FHIP1A: variants seen among roughly 807,000 people sequenced by gnomAD.
FHIP1A encodes FHF complex subunit HOOK-interacting protein 1A.
In FHIP1A, 61 loss-of-function variants were observed where a neutral mutation model predicts 88.6. That is an observed-to-expected ratio of 0.69 (90% CI 0.56 to 0.85). FHIP1A has a LOEUF of 0.85. FHIP1A is among the 40% of genes least tolerant of loss of function. The pLI is 0.00. For missense variants in FHIP1A, 1,154 were observed against 1,273.5 expected, an observed-to-expected ratio of 0.91 and a Z score of 1.43; for synonymous variants, 478 against 496.0, an observed-to-expected ratio of 0.96 and a Z score of 0.48.
At chr4:151,528,028 T>C (rs1385592588) in intron 3 of FHIP1A, among the ~76,000 whole-genome samples, 7 of 152,208 alleles carry the variant, frequency 4.6e-5, no homozygotes, top group Non-Finnish European at 1.0e-4. Context: ...GTATTTCTCA[T>C]AGCTTATTGA....
At chr4:151,498,237 C>T (rs1730530280) in intron 3 of FHIP1A, among the ~76,000 whole-genome samples, 1 of 152,120 alleles carries the variant, frequency 6.6e-6, no homozygotes, top group Non-Finnish European at 1.5e-5. Context: ...GTCATTAGTG[C>T]AGAGATTGAG....
intron 7 of FHIP1A, among the ~76,000 whole-genome samples, chr4:151,620,174 T>C (rs1735684485): frequency 6.6e-6 from 1 of 152,208 alleles, no homozygotes; most frequent in Admixed American, 6.5e-5. Context: ...TGCATAGAGT[T>C]GGGCAGGTTG....
chr4:151,544,910 C>A (rs1560759468), intron 3 of FHIP1A, among the ~76,000 whole-genome samples: 1 of 152,080 alleles, frequency 6.6e-6, no homozygotes. Flanking sequence ...GACCCCCTAT[C>A]TACAAAAAAA....
At chr4:151,467,568 C>G (rs1729364972) in intron 2 of FHIP1A, among the ~76,000 whole-genome samples, 1 of 152,150 alleles carries the variant, frequency 6.6e-6, no homozygotes, top group Non-Finnish European at 1.5e-5. Flanking sequence ...AGACATGGAA[C>G]TAACCCAAAC....
At chr4:151,564,056 T>A (rs888414111) in intron 3 of FHIP1A, among the ~76,000 whole-genome samples, 1 of 152,206 alleles carries the variant, frequency 6.6e-6, no homozygotes, top group Admixed American at 6.5e-5. Flanking sequence ...TGACATTGGC[T>A]ATTTATCCTG....
intron 3 of FHIP1A, among the ~76,000 whole-genome samples, chr4:151,553,180 T>C (rs1732812456): frequency 6.6e-6 from 1 of 152,166 alleles, no homozygotes; most frequent in African/African-American, 2.4e-5. Context: ...TGATCCACAG[T>C]GGGAGATTTA....
At chr4:151,613,667 G>T (rs1311371615) in intron 7 of FHIP1A, among the ~76,000 whole-genome samples, 1 of 152,198 alleles carries the variant, frequency 6.6e-6, no homozygotes, top group South Asian at 2.1e-4. Context: ...GTACTTGATG[G>T]TCATAATGAC....
rs183653282 is a variant in FHIP1A at position 151,637,718 on chromosome 4, A to T, written c.1147-959A>T. ...GCCCATGGGGGAGTCAGGAAAAGGC[A>T]TTGCATTTAATGGAACCACGTGTGC... On this transcript the variant is annotated intron_variant, in intron 8 of 13. Coordinates refer to ENST00000435205, the MANE Select transcript of FHIP1A (RefSeq NM_001109977.3). Among the ~76,000 whole-genome samples the T allele has an allele frequency of 8.5e-5, 13 of 152,300 alleles. No homozygotes were observed. In the East Asian group the frequency reaches 2.3e-3, roughly 27 times the overall value.
At chr4:151,469,640 G>A (rs1729442455) in intron 2 of FHIP1A, among the ~76,000 whole-genome samples, 1 of 152,080 alleles carries the variant, frequency 6.6e-6, no homozygotes, top group African/African-American at 2.4e-5. Flanking sequence ...CTGTTTACTG[G>A]CACATTAAAT....
chr4:151,593,619 T>C (rs1734528282), intron 7 of FHIP1A, among the ~76,000 whole-genome samples: 1 of 152,366 alleles, frequency 6.6e-6, no homozygotes, highest in East Asian at 1.9e-4. Flanking sequence ...TTTTGTATTC[T>C]GAGACTGCTG....
At chr4:151,527,478 C>T (rs965723850) in intron 3 of FHIP1A, among the ~76,000 whole-genome samples, 1 of 152,050 alleles carries the variant, frequency 6.6e-6, no homozygotes, top group Non-Finnish European at 1.5e-5. Flanking sequence ...GCAGCAGTAC[C>T]GTCCAGCTTC....
At chr4:151,448,671 A>T (rs1284043820) in intron 1 of FHIP1A, among the ~76,000 whole-genome samples, 1 of 152,164 alleles carries the variant, frequency 6.6e-6, no homozygotes, top group African/African-American at 2.4e-5. Context: ...ACTCCAGTGT[A>T]TGTGTATATT....
intron 1 of FHIP1A, among the ~76,000 whole-genome samples, chr4:151,423,704 A>G (rs1028127327): frequency 1.3e-5 from 2 of 152,214 alleles, no homozygotes; most frequent in Non-Finnish European, 2.9e-5. Context: ...CTGAAGCTGT[A>G]TTAGCACTCT....
At chr4:151,431,074 C>G (rs150683070) in intron 1 of FHIP1A, among the ~76,000 whole-genome samples, 2 of 152,252 alleles carry the variant, frequency 1.3e-5, no homozygotes, top group East Asian at 3.9e-4. Flanking sequence ...AGAGAACCAT[C>G]TTTTGAATTT....
At chr4:151,515,853 T>C (rs530410251) in intron 3 of FHIP1A, among the ~76,000 whole-genome samples, 2 of 152,112 alleles carry the variant, frequency 1.3e-5, no homozygotes, top group African/African-American at 4.8e-5. Context: ...AGAATCAATA[T>C]CGTGAAAATG....
At chr4:151,442,242 T>A (rs1728438547) in intron 1 of FHIP1A, among the ~76,000 whole-genome samples, 1 of 152,066 alleles carries the variant, frequency 6.6e-6, no homozygotes, top group Non-Finnish European at 1.5e-5. Context: ...TAATGCAGTG[T>A]CTCTTGGTTA....
intron 3 of FHIP1A, among the ~76,000 whole-genome samples, chr4:151,553,782 G>A (rs1228948609): frequency 6.6e-6 from 1 of 152,096 alleles, no homozygotes; most frequent in Non-Finnish European, 1.5e-5. Context: ...ATATGTGATA[G>A]GTGAAAATTC....
At chr4:151,629,914 T>A in intron 8 of FHIP1A, 45 bp downstream of exon 8, 2 of 1,447,674 alleles carry the variant, frequency 1.4e-6, no homozygotes, top group South Asian at 2.7e-5. Flanking sequence ...TCAGAACAGA[T>A]TTCAGGAGAG....
chr4:151,469,394 T>C (rs1729433964), intron 2 of FHIP1A, among the ~76,000 whole-genome samples: 1 of 152,198 alleles, frequency 6.6e-6, no homozygotes, highest in Non-Finnish European at 1.5e-5. Context: ...TATCCAGTAA[T>C]TTCAGGTATA....
Sources: allele counts gnomAD v4.1 joint callset (sites outside exome capture counted in the v4.1 genomes callset), GRCh38; gene constraint gnomAD v4.1.1; transcripts MANE v1.5; gene names NCBI Gene and HGNC (gene_info 2026-07-23, HGNC 2026-07-21).